CHLSN: variants seen among roughly 807,000 people sequenced by gnomAD.
CHLSN encodes cholesin, also known as protein cholesin.
chr7:1,072,644 G>C, the CHLSN span, among the ~76,000 whole-genome samples: 1 of 151,088 alleles, frequency 6.6e-6, no homozygotes, highest in African/African-American at 2.4e-5. Context: ...TTGTAGAAAG[G>C]CTTTAATTAT....
At chr7:1,130,762 G>A in the CHLSN span, among the ~76,000 whole-genome samples, 1 of 152,224 alleles carries the variant, frequency 6.6e-6, no homozygotes, top group Non-Finnish European at 1.5e-5. Flanking sequence ...CCAAGAGACA[G>A]GAGCTCAACA....
chr7:1,084,045 C>A, the CHLSN span, among the ~76,000 whole-genome samples: 1 of 152,244 alleles, frequency 6.6e-6, no homozygotes, highest in East Asian at 1.9e-4. Flanking sequence ...GCAAGTCTGT[C>A]TGAGGGGAGG....
chr7:1,019,836 C>A, the CHLSN span, among the ~76,000 whole-genome samples: 1 of 152,240 alleles, frequency 6.6e-6, no homozygotes, highest in Non-Finnish European at 1.5e-5. Flanking sequence ...CCACTCAGGT[C>A]TCTCACTCCT....
the CHLSN span, among the ~76,000 whole-genome samples, chr7:1,054,734 G>A: frequency 2.0e-5 from 3 of 152,178 alleles, no homozygotes; most frequent in East Asian, 1.9e-4. Flanking sequence ...GAGAGCCCTC[G>A]CAGGAGGCTC....
chr7:1,116,373 G>A, the CHLSN span, among the ~76,000 whole-genome samples: 1 of 142,254 alleles, frequency 7.0e-6, no homozygotes, highest in African/African-American at 2.7e-5. Flanking sequence ...TCTAGGGACA[G>A]CTTCCATCAC....
chr7:1,040,225 A>G, the CHLSN span, among the ~76,000 whole-genome samples: 6 of 150,772 alleles, frequency 4.0e-5, no homozygotes, highest in African/African-American at 1.5e-4. Context: ...GCATGCTGGC[A>G]CATACCTGTA....
chr7:1,088,141 A>T, the CHLSN span: 1 of 152,318 alleles, frequency 6.6e-6, no homozygotes, highest in African/African-American at 2.4e-5. This position sits in a 1 kb window ranked among gnomAD's most constrained non-coding sequence, Gnocchi z 4.5. Context: ...CGCACCCGCC[A>T]GCCAGCCGGG....
the CHLSN span, among the ~76,000 whole-genome samples, chr7:1,104,570 G>C: frequency 6.6e-6 from 1 of 152,204 alleles, no homozygotes; most frequent in East Asian, 1.9e-4. Context: ...GTTCCCGAGG[G>C]GCCCATGCAG....
chr7:998,760 C>T, the CHLSN span, among the ~76,000 whole-genome samples: 1 of 152,162 alleles, frequency 6.6e-6, no homozygotes, highest in African/African-American at 2.4e-5. Flanking sequence ...AGTCTTAGAT[C>T]CTGATGAAGG....
the CHLSN span, among the ~76,000 whole-genome samples, chr7:1,015,272 A>G: frequency 2.0e-5 from 3 of 151,902 alleles, no homozygotes; most frequent in African/African-American, 4.8e-5. Context: ...GAGGCATGAG[A>G]GCAGGTGTGG....
At chr7:1,134,860 G>C in the CHLSN span, among the ~76,000 whole-genome samples, 1 of 152,032 alleles carries the variant, frequency 6.6e-6, no homozygotes, top group African/African-American at 2.4e-5. Flanking sequence ...CTGGGCTACA[G>C]AGTGAGACTC....
the CHLSN span, among the ~76,000 whole-genome samples, chr7:1,079,620 A>G: frequency 6.6e-6 from 1 of 152,156 alleles, no homozygotes; most frequent in East Asian, 1.9e-4. Context: ...TCCCTGCCCA[A>G]TGTAGACGTG....
At chr7:1,098,223 G>A in the CHLSN span, among the ~76,000 whole-genome samples, 2 of 152,194 alleles carry the variant, frequency 1.3e-5, no homozygotes, top group African/African-American at 4.8e-5. Flanking sequence ...AGCAAGTGGG[G>A]TGGGTGCACA....
chr7:1,077,592 C>T, the CHLSN span, among the ~76,000 whole-genome samples: 94 of 152,364 alleles, frequency 6.2e-4, 1 homozygote, highest in African/African-American at 2.1e-3. Flanking sequence ...TCAGGTGCCC[C>T]GTGCACAGGC....
chr7:1,027,428 C>T, the CHLSN span, among the ~76,000 whole-genome samples: 2 of 152,256 alleles, frequency 1.3e-5, no homozygotes, highest in Non-Finnish European at 2.9e-5. Flanking sequence ...GCTCCGAGGA[C>T]ACAGCGCAGG....
the CHLSN span, chr7:985,140 G>T: frequency 6.2e-7 from 1 of 1,601,272 alleles, no homozygotes; most frequent in Non-Finnish European, 8.5e-7. Flanking sequence ...GGGCCTGGAC[G>T]TGCCTGAGGC....
chr7:988,880 C>A, the CHLSN span: 1 of 1,103,032 alleles, frequency 9.1e-7, no homozygotes, highest in Non-Finnish European at 1.3e-6. Flanking sequence ...TGGGTCCTCC[C>A]ACCCTCTCTC....
chr7:1,135,082 G>C, the CHLSN span, among the ~76,000 whole-genome samples: 17 of 152,012 alleles, frequency 1.1e-4, no homozygotes, highest in Admixed American at 1.1e-3. Context: ...CTCTTGACAG[G>C]CATTTTTCAC....
the CHLSN span, among the ~76,000 whole-genome samples, chr7:1,060,281 TC>T: frequency 3.3e-5 from 5 of 152,024 alleles, no homozygotes; most frequent in East Asian, 1.9e-4. Flanking sequence ...AGGAAGATGT[TC>T]CCCCCAAGTT....
Sources: allele counts gnomAD v4.1 joint callset (sites outside exome capture counted in the v4.1 genomes callset), GRCh38; gene constraint gnomAD v4.1.1; non-coding constraint Gnocchi (gnomAD v3.1); transcripts MANE v1.5; gene names NCBI Gene and HGNC (gene_info 2026-07-23, HGNC 2026-07-21).